STX18: variants seen among roughly 807,000 people sequenced by gnomAD.
STX18 encodes syntaxin-18.
In STX18, 40 loss-of-function variants were observed where a neutral mutation model predicts 50.1. The ratio of observed to expected loss-of-function variants is 0.80; its 90% CI spans 0.62 to 1.04. The LOEUF (loss-of-function observed/expected upper bound fraction) is 1.04, where lower values mean the gene tolerates loss of function less well. Among genes scored for constraint, STX18 ranks in the 50% least tolerant of loss-of-function variants. STX18 has a pLI of 0.00. For synonymous variants in STX18, 158 were observed against 151.8 expected, an observed-to-expected ratio of 1.04 and a Z score of -0.30; for missense variants, 410 against 415.8, an observed-to-expected ratio of 0.99 and a Z score of 0.12.
At chr4:4,444,085 A>G (rs1323065861) in intron 5 of STX18, among the ~76,000 whole-genome samples, 1 of 152,206 alleles carries the variant, frequency 6.6e-6, no homozygotes, top group Admixed American at 6.5e-5. Context: ...GGGCCACTGT[A>G]TCAGTGCATG....
intron 1 of STX18, among the ~76,000 whole-genome samples, chr4:4,498,309 T>C (rs1037966719): frequency 2.0e-5 from 3 of 152,076 alleles, no homozygotes; most frequent in African/African-American, 7.2e-5. Flanking sequence ...CTTCGCAAAA[T>C]AGTACTGCAT....
chr4:4,533,611 T>C (rs1228236543), intron 1 of STX18, among the ~76,000 whole-genome samples: 1 of 152,224 alleles, frequency 6.6e-6, no homozygotes, highest in East Asian at 1.9e-4. Flanking sequence ...TACACACAAG[T>C]TGACGTGAGC....
chr4:4,492,716 T>C (rs1728996085), intron 1 of STX18, among the ~76,000 whole-genome samples: 3 of 152,182 alleles, frequency 2.0e-5, no homozygotes, highest in African/African-American at 7.2e-5. Flanking sequence ...TATCACCATA[T>C]GACTAAGAAG....
chr4:4,425,315 C>G (rs746880237), intron 7 of STX18, 93 bp from the exon 8 acceptor site: 1 of 1,164,624 alleles, frequency 8.6e-7, no homozygotes, highest in African/African-American at 1.5e-5. Flanking sequence ...GAATCACTGC[C>G]GAAGCCCCCA....
intron 7 of STX18, among the ~76,000 whole-genome samples, chr4:4,427,841 T>C (rs145516047): frequency 2.4e-3 from 359 of 152,304 alleles, no homozygotes; most frequent in African/African-American, 7.9e-3. Flanking sequence ...CTGGCTCTAA[T>C]TTCCTTCCAC....
chr4:4,507,144 T>G (rs1369834857), intron 1 of STX18: 1 of 560,962 alleles, frequency 1.8e-6, no homozygotes, highest in African/African-American at 1.9e-5. Context: ...TTCCAAAGAA[T>G]GCTAGCAACA....
At chr4:4,538,218 G>A (rs989685237) in intron 1 of STX18, among the ~76,000 whole-genome samples, 1 of 152,030 alleles carries the variant, frequency 6.6e-6, no homozygotes, top group Non-Finnish European at 1.5e-5. Flanking sequence ...AACAGGTAAC[G>A]GCTCCTGGGG....
chr4:4,499,882 A>G (rs1344349889), intron 1 of STX18, among the ~76,000 whole-genome samples: 1 of 152,144 alleles, frequency 6.6e-6, no homozygotes, highest in Non-Finnish European at 1.5e-5. Flanking sequence ...TTTCAAATAA[A>G]ATGACTGCTG....
chr4:4,519,433 T>C (rs949653520), intron 1 of STX18, among the ~76,000 whole-genome samples: 3 of 150,952 alleles, frequency 2.0e-5, no homozygotes, highest in African/African-American at 5.0e-5. Context: ...TTAAGCTTTA[T>C]GGAAAGTCCT....
At chr4:4,425,477 G>C in intron 7 of STX18, 1 of 583,292 alleles carries the variant, frequency 1.7e-6, no homozygotes. Context: ...AGGGGTACAA[G>C]CTGACTGCTA....
At chr4:4,421,021 TTCC>T in intron 9 of STX18, 77 bp from the exon 10 acceptor site, 2 of 1,381,812 alleles carry the variant, frequency 1.4e-6, no homozygotes, top group Non-Finnish European at 2.1e-6. Context: ...CAACGAGCAT[TTCC>T]TTTGAGTGTC....
intron 1 of STX18, among the ~76,000 whole-genome samples, chr4:4,485,431 C>T (rs1275121280): frequency 1.3e-5 from 2 of 152,198 alleles, no homozygotes; most frequent in South Asian, 2.1e-4. Flanking sequence ...TGGACTTCAA[C>T]ACATTCTTGC....
At chr4:4,463,964 T>C (rs1162620879) in intron 2 of STX18, among the ~76,000 whole-genome samples, 3 of 152,240 alleles carry the variant, frequency 2.0e-5, no homozygotes, top group African/African-American at 7.2e-5. Flanking sequence ...TCAACTAGGG[T>C]ATAATTATTT....
intron 1 of STX18, among the ~76,000 whole-genome samples, chr4:4,484,116 C>T (rs923535089): frequency 6.6e-6 from 1 of 152,186 alleles, no homozygotes; most frequent in African/African-American, 2.4e-5. Context: ...CCCGCCTTGG[C>T]CTCCCAAAGT....
intron 7 of STX18, among the ~76,000 whole-genome samples, chr4:4,430,306 T>A (rs1184235346): frequency 6.6e-6 from 1 of 152,254 alleles, no homozygotes; most frequent in African/African-American, 2.4e-5. Flanking sequence ...ATTTTCCAAT[T>A]TAAAACCAAC....
Position 4,431,907 on chromosome 4 carries a change from G to A in STX18, c.702+2863C>T, listed in dbSNP as rs55846011. Among the ~76,000 whole-genome samples, 1,082 of 152,212 alleles carry A rather than the reference G, an allele frequency of 7.1e-3. 9 individuals are homozygous for A. Among genetic ancestry groups the A allele is most frequent in the Non-Finnish European group, 0.012 (808 of 68,018 alleles). Reference sequence around the variant, plus strand: ...AGCAATGACTGCTTGGAATCCCTGCGGCTGTCTTCCTCTAACCACCGACTA... The same window carrying A: ...AGCAATGACTGCTTGGAATCCCTGCAGCTGTCTTCCTCTAACCACCGACTA... On this transcript the variant is annotated intron_variant, in intron 7 of 10. Transcript: ENST00000306200.
intron 1 of STX18, among the ~76,000 whole-genome samples, chr4:4,496,896 A>G (rs1316021208): frequency 6.6e-6 from 1 of 152,194 alleles, no homozygotes; most frequent in Non-Finnish European, 1.5e-5. Flanking sequence ...AGCGACTTAC[A>G]CACCCTTTCA....
At chr4:4,524,517 G>A (rs1347570088) in intron 1 of STX18, among the ~76,000 whole-genome samples, 1 of 152,202 alleles carries the variant, frequency 6.6e-6, no homozygotes, top group African/African-American at 2.4e-5. Context: ...ACCCAGTCAA[G>A]CAAAGAGCCT....
intron 7 of STX18, among the ~76,000 whole-genome samples, chr4:4,431,719 C>T (rs1167394326): frequency 6.6e-6 from 1 of 152,200 alleles, no homozygotes; most frequent in Non-Finnish European, 1.5e-5. Context: ...GCCTGCCCAC[C>T]TTCTGTGCAC....
Sources: gnomAD v4.1 joint callset for allele counts (sites outside exome capture counted in the v4.1 genomes callset) on GRCh38, gnomAD v4.1.1 for gene constraint, MANE v1.5 for transcripts, NCBI Gene and HGNC (gene_info 2026-07-23, HGNC 2026-07-21) for gene names.